The following COL4A1 variants were observed in gnomAD, a reference collection of about 807,000 sequenced individuals.
COL4A1 encodes collagen type IV alpha 1 chain, also known as collagen alpha-1(IV) chain.
COL4A1 carries 40 observed loss-of-function variants against 216.6 expected under a neutral mutation model. The ratio of observed to expected loss-of-function variants is 0.18; its 90% CI spans 0.14 to 0.24. The LOEUF (loss-of-function observed/expected upper bound fraction) is 0.24, where lower values mean the gene tolerates loss of function less well. Among genes scored for constraint, COL4A1 ranks in the 10% least tolerant of loss-of-function variants. The probability of loss-of-function intolerance (pLI) is 1.00; values close to 1 mark genes in which losing one functional copy is unlikely to be tolerated. For missense variants in COL4A1, 1,628 were observed against 2,196.8 expected (o/e 0.74, Z 5.18); for synonymous variants, 839 against 810.7 (o/e 1.03, Z -0.59).
At chr13:110,297,396 A>ACCTTCACAACACAATAAAGGAATAC (rs1415572727) in intron 1 of COL4A1, among the ~76,000 whole-genome samples, 5 of 152,226 alleles carry the variant, frequency 3.3e-5, no homozygotes, top group Non-Finnish European at 7.3e-5. Context: ...CGTGTCTGCG[A>ACCTTCACAACACAATAAAGGAATAC]CCTTCACAAC....
Position 110,213,836 on chromosome 13 carries a change from A to C in COL4A1, c.235-10T>G. ...GTTCTCCAGTATCACCCTGGAACAG[A>C]ATAGAAATGCCATTGTCATTGATCA... is the stretch of plus-strand genomic sequence containing the variant. On this transcript the variant is annotated splice_polypyrimidine_tract_variant and intron_variant, in intron 3 of 51. Transcript: ENST00000375820. The C allele has an allele frequency of 6.2e-7, 1 of 1,614,160 alleles. No individual in the cohort carries two copies. Among genetic ancestry groups the C allele is most frequent in the Non-Finnish European group, 8.5e-7 (1 of 1,180,018 alleles).
intron 43 of COL4A1, among the ~76,000 whole-genome samples, chr13:110,167,604 C>A (rs564931306): frequency 2.6e-5 from 4 of 152,328 alleles, no homozygotes; most frequent in Non-Finnish European, 5.9e-5. Context: ...CACCAGCCAA[C>A]GAGCTTTTCT....
At chr13:110,252,613 A>ACAAT (rs1307739280) in intron 1 of COL4A1, among the ~76,000 whole-genome samples, 1 of 65,304 alleles carries the variant, frequency 1.5e-5, no homozygotes, top group Admixed American at 1.9e-4. Flanking sequence ...TGTATTATAT[A>ACAAT]TGTATAATTG....
intron 2 of COL4A1, among the ~76,000 whole-genome samples, chr13:110,236,681 G>A (rs903414141): frequency 6.6e-6 from 1 of 152,168 alleles, no homozygotes; most frequent in African/African-American, 2.4e-5. Flanking sequence ...GCTCCTTGTG[G>A]AGCGGACTCT....
At chr13:110,291,832 T>G (rs1282339755) in intron 1 of COL4A1, among the ~76,000 whole-genome samples, 2 of 152,164 alleles carry the variant, frequency 1.3e-5, no homozygotes, top group Non-Finnish European at 2.9e-5. Context: ...CACCTTCAAA[T>G]TTCCATTTTC....
Position 110,179,399 on chromosome 13 carries a change from G to A in COL4A1, c.2216C>T (p.Pro739Leu), listed in dbSNP as rs778390847. Residue 739 changes from proline (P) to leucine (L), a missense_variant, in exon 30 of 52, where the codon CCG becomes CTG. Around this residue, in one of 8 missense-constraint regions of COL4A1, gnomAD observed 701 missense variants for 892.5 expected, o/e 0.79. Transcript: ENST00000375820. ...GQKGEPGVGL[P>L]GLKGLPGLPG... ...AAGACCTGGCAAACCTTTGAGTCCCGGTAGACCAACTCCAGGCTCTCCCTG... is the reference window on the plus strand; with the variant it reads ...AAGACCTGGCAAACCTTTGAGTCCCAGTAGACCAACTCCAGGCTCTCCCTG... The A allele has an allele frequency of 2.9e-5, 46 of 1,613,918 alleles. No homozygotes were observed. The highest frequency in any genetic ancestry group is 1.8e-4 in the South Asian group (16 of 91,090).
At chr13:110,261,123 C>T (rs1224877538) in intron 1 of COL4A1, among the ~76,000 whole-genome samples, 3 of 148,554 alleles carry the variant, frequency 2.0e-5, no homozygotes, top group Non-Finnish European at 4.5e-5. Flanking sequence ...AAGATTTGTT[C>T]ACCAATTCCA....
chr13:110,170,113 A>G (rs1056643259), intron 42 of COL4A1, among the ~76,000 whole-genome samples: 7 of 123,442 alleles, frequency 5.7e-5, no homozygotes, highest in African/African-American at 2.1e-4. Context: ...AAGGGAGGAA[A>G]GAAGGAAGGA....
In COL4A1 at chr13:110,268,351, G is replaced by A. The variant is rs1484074686; in HGVS notation, c.85-25617C>T. On this transcript the variant is annotated intron_variant, in intron 1 of 51. Transcript: ENST00000375820. This position sits in a 1 kb window ranked among gnomAD's most constrained non-coding sequence, Gnocchi z 4.1. ...GGACCTGAATGCAAAAGATGGCAGG[G>A]ATTTCTTGGGTGGGGAGGGGAGGGA... 2.8e-5 allele frequency among the ~76,000 whole-genome samples: 4 copies of A among 145,074 alleles called. No individual in the cohort carries two copies. The highest frequency in any genetic ancestry group is 9.9e-5 in the African/African-American group (4 of 40,214).
At chr13:110,158,116 A>G (rs1876877823) in intron 49 of COL4A1, among the ~76,000 whole-genome samples, 1 of 152,270 alleles carries the variant, frequency 6.6e-6, no homozygotes, top group African/African-American at 2.4e-5. Flanking sequence ...CAAAACAGTC[A>G]ATATCTGGCA....
intron 2 of COL4A1, among the ~76,000 whole-genome samples, chr13:110,221,895 T>A (rs1880497134): frequency 1.3e-5 from 2 of 152,204 alleles, no homozygotes; most frequent in Admixed American, 1.3e-4. Flanking sequence ...TCAGTCAGAT[T>A]CCACGTGTGC....
intron 4 of COL4A1, among the ~76,000 whole-genome samples, chr13:110,212,895 G>A (rs1209458083): frequency 6.6e-6 from 1 of 152,208 alleles, no homozygotes; most frequent in East Asian, 1.9e-4. Context: ...CGAGTGGATA[G>A]AGAAAAGGTG....
Position 110,175,104 on chromosome 13 carries a change from A to T in COL4A1, c.3198+114T>A, listed in dbSNP as rs1195544441. The T allele has an allele frequency of 2.0e-5, 27 of 1,333,258 alleles. No homozygotes were observed. The Admixed American group carries it at 4.6e-4, about 23-fold the overall frequency. 82.6% of individuals were successfully genotyped at this position (1,333,258 alleles called of 1,614,324 possible). A position where few individuals can be genotyped will look rare whatever the true frequency, so the allele number is the denominator to read the frequency against. On this transcript the variant is annotated intron_variant, in intron 37 of 51. Transcript: ENST00000375820. ...GAGGCGACTTGTGCTGCCTTATGGG[A>T]CTCCCTGTGTGTTATGGCTCATTGA...
intron 20 of COL4A1, among the ~76,000 whole-genome samples, chr13:110,199,365 C>T (rs1297693566): frequency 6.6e-6 from 1 of 152,188 alleles, no homozygotes; most frequent in East Asian, 1.9e-4. Flanking sequence ...TGAAGAGCAG[C>T]ATGGAGAGGA....
intron 2 of COL4A1, among the ~76,000 whole-genome samples, chr13:110,240,793 C>G (rs1410192260): frequency 6.6e-6 from 1 of 152,228 alleles, no homozygotes; most frequent in East Asian, 1.9e-4. Flanking sequence ...CTATCATTCT[C>G]CCTTGTCATG....
intron 26 of COL4A1, among the ~76,000 whole-genome samples, chr13:110,185,438 C>G (rs1370747003): frequency 6.6e-6 from 1 of 152,258 alleles, no homozygotes; most frequent in African/African-American, 2.4e-5. Context: ...GCCACCGCAC[C>G]TGGCCCCAGC....
intron 1 of COL4A1, among the ~76,000 whole-genome samples, chr13:110,297,860 C>A (rs1884337746): frequency 6.6e-6 from 1 of 151,794 alleles, no homozygotes; most frequent in Non-Finnish European, 1.5e-5. Context: ...ACTGAGCTAT[C>A]AAACTATTAC....
Position 110,207,556 on chromosome 13 carries a change from A to C in COL4A1, c.694-67T>G, listed in dbSNP as rs1879575017. On this transcript the variant is annotated intron_variant, in intron 12 of 51. Transcript: ENST00000375820. This position sits in a 1 kb window ranked among gnomAD's most constrained non-coding sequence, Gnocchi z 4.4. ...ATTATGCAGACATGAAAAATTGCAG[A>C]GAGAGGTAAAAGCCTAAAATAAAAC... is the stretch of plus-strand genomic sequence containing the variant. 10 of 1,314,034 alleles carry C rather than the reference A, an allele frequency of 7.6e-6. No individual in the cohort carries two copies. Among genetic ancestry groups the C allele is most frequent in the Non-Finnish European group, 1.1e-5 (10 of 908,306 alleles). 81.4% of individuals were successfully genotyped at this position (1,314,034 alleles called of 1,614,324 possible).
intron 21 of COL4A1, among the ~76,000 whole-genome samples, chr13:110,196,790 GGC>G (rs746806261): frequency 2.6e-5 from 4 of 152,176 alleles, no homozygotes; most frequent in East Asian, 1.9e-4. Flanking sequence ...AGAATGCAGT[GGC>G]AGAACTTACA....
Sources: gnomAD v4.1 joint callset for allele counts (sites outside exome capture counted in the v4.1 genomes callset) on GRCh38, gnomAD v4.1.1 for gene constraint, gnomAD v4.1.1 regional missense constraint, Gnocchi (gnomAD v3.1) non-coding constraint, MANE v1.5 for transcripts, NCBI Gene and HGNC (gene_info 2026-07-23, HGNC 2026-07-21) for gene names.